ZNF667: variants seen among roughly 807,000 people sequenced by gnomAD.
ZNF667 encodes the protein zinc finger protein 667, also known as myocardial ischemic preconditioning upregulated 1 ortholog.
A neutral mutation model predicts 31.8 loss-of-function variants in ZNF667; 13 were observed. The observed-to-expected ratio is 0.41, with a 90% CI of 0.27 to 0.65. ZNF667 has a LOEUF of 0.65. ZNF667 is among the 30% of genes least tolerant of loss of function. The pLI is 0.32. For missense variants in ZNF667, 642 were observed against 725.6 expected, an observed-to-expected ratio of 0.88 and a Z score of 1.32; for synonymous variants, 228 against 247.1, an observed-to-expected ratio of 0.92 and a Z score of 0.73.
chr19:56,466,892 A>G (rs962466658), intron 3 of ZNF667: 3 of 415,848 alleles, frequency 7.2e-6, no homozygotes, highest in Non-Finnish European at 1.4e-5. Context: ...AGCTCCTTAC[A>G]GTTTCCCATT....
intron 3 of ZNF667, chr19:56,469,999 G>A (rs1442567926): frequency 4.3e-6 from 2 of 466,102 alleles, no homozygotes; most frequent in Admixed American, 4.6e-5. Flanking sequence ...GAGCACATTT[G>A]CCTTCTGGCT....
chr19:56,474,675 G>T (rs2043363863), intron 1 of ZNF667: 1 of 152,462 alleles, frequency 6.6e-6, no homozygotes, highest in Non-Finnish European at 1.5e-5. Flanking sequence ...GGCCCCAAAG[G>T]AGCCTGAGCT....
At chr19:56,464,524 T>A (rs1251434679) in intron 3 of ZNF667, among the ~76,000 whole-genome samples, 4 of 152,180 alleles carry the variant, frequency 2.6e-5, no homozygotes, top group Non-Finnish European at 5.9e-5. Context: ...CAAAATTAAC[T>A]TTAATGATAA....
At chr19:56,451,271 T>C (rs753586864) in intron 6 of ZNF667, among the ~76,000 whole-genome samples, 23 of 151,348 alleles carry the variant, frequency 1.5e-4, no homozygotes, top group Non-Finnish European at 2.7e-4. Context: ...AGCAAAGGGA[T>C]ATAACAATTG....
At chr19:56,462,156 G>A (rs1449072749) in intron 4 of ZNF667, among the ~76,000 whole-genome samples, 182 bp downstream of exon 4, 1 of 152,248 alleles carries the variant, frequency 6.6e-6, no homozygotes, top group Non-Finnish European at 1.5e-5. Context: ...GGCTCGCTGA[G>A]CAGTTTCCTG....
chr19:56,467,687 A>G (rs1346343271), intron 3 of ZNF667: 3 of 152,260 alleles, frequency 2.0e-5, no homozygotes, highest in African/African-American at 7.2e-5. Context: ...GGGTTCAATT[A>G]TTAATAATTT....
intron 6 of ZNF667, among the ~76,000 whole-genome samples, chr19:56,451,227 A>C (rs1399791977): frequency 2.6e-5 from 4 of 152,196 alleles, no homozygotes; most frequent in African/African-American, 9.6e-5. Context: ...GGAAAGATAC[A>C]AAGAAAGTCA....
rs139445582 is a variant in ZNF667 at position 56,458,181 on chromosome 19, T to C, written c.227A>G (p.Glu76Gly). Residue 76 changes from glutamate (E) to glycine (G), a missense_variant, in exon 6 of 7, where the codon GAG (glutamate) becomes GGG (glycine). Transcript: ENST00000504904. ...LEKGKAPWMVEPVRRRRAPDS... is the reference protein window; with the variant it reads ...LEKGKAPWMVGPVRRRRAPDS... ...AGGAGCCCGGCGTCTTCTTACTGGC[T>C]CTACCATCCAGGGTGCTTTCCCTTT... is the stretch of plus-strand genomic sequence containing the variant. 1 of 1,614,124 alleles carries C rather than the reference T, an allele frequency of 6.2e-7. No homozygotes were observed. Among genetic ancestry groups the C allele is most frequent in the African/African-American group, 1.3e-5 (1 of 74,954 alleles).
At chr19:56,451,868 CAAA>C (rs71184363) in intron 6 of ZNF667, among the ~76,000 whole-genome samples, 12 of 80,944 alleles carry the variant, frequency 1.5e-4, no homozygotes, top group African/African-American at 5.9e-4. Context: ...GACCCTGTCT[CAAA>C]AAAAAAAAAA....
chr19:56,465,919 G>A (rs574200896), intron 3 of ZNF667, among the ~76,000 whole-genome samples: 1 of 152,208 alleles, frequency 6.6e-6, no homozygotes, highest in Non-Finnish European at 1.5e-5. Context: ...GTGGTGCAGG[G>A]AGCATACAAT....
At chr19:56,461,736 C>G (rs939800870) in intron 4 of ZNF667, among the ~76,000 whole-genome samples, 3 of 152,188 alleles carry the variant, frequency 2.0e-5, no homozygotes, top group African/African-American at 7.2e-5. Flanking sequence ...ATTTGAGATG[C>G]CTGTTGGAAA....
chr19:56,470,866 T>TA (rs2043277952), intron 3 of ZNF667, among the ~76,000 whole-genome samples: 1 of 152,182 alleles, frequency 6.6e-6, no homozygotes, highest in Non-Finnish European at 1.5e-5. Flanking sequence ...TGGGCTGTGT[T>TA]AGACCCTAGG....
chr19:56,442,491 T>G lies in ZNF667; in HGVS notation c.504A>C (p.Gly168=), dbSNP rs2042631344. Residue 168 remains glycine (G), a synonymous_variant, in exon 7 of 7, where the codon GGA becomes GGC. Coordinates refer to ENST00000504904, the MANE Select transcript of ZNF667 (RefSeq NM_001321356.2). ...SLKLHQNIHT[G]EKPFECSNCR... ...AATTACTGCATTCAAAAGGCTTCTC[T>G]CCTGTATGAATGTTCTGATGAAGTT... The G allele has an allele frequency of 6.2e-7, 1 of 1,613,758 alleles. No individual in the cohort carries two copies. Among genetic ancestry groups the G allele is most frequent in the African/African-American group, 1.3e-5 (1 of 75,016 alleles).
intron 6 of ZNF667, among the ~76,000 whole-genome samples, chr19:56,456,004 T>C (rs2042924552): frequency 6.6e-6 from 1 of 152,208 alleles, no homozygotes. Flanking sequence ...AGGCAAGTTA[T>C]TTAACATTTC....
At position 56,441,942 on chromosome 19, in the gene ZNF667, A is replaced by T. The variant is rs757493044; in HGVS notation, c.1053T>A (p.Ile351=). The change falls in exon 7 of 7, where the codon ATT becomes ATA. Residue 351 remains isoleucine, a synonymous_variant. Transcript: ENST00000504904. This position sits in a 1 kb window ranked among gnomAD's most constrained non-coding sequence, Gnocchi z 4.2. ...RISPLMLHQR[I]HTSEKPYKCD... ...ATTTGTACGGTTTCTCTGAAGTGTGAATTCTCTGGTGAAGCATCAGGGGTG... is the reference window on the plus strand; with the variant it reads ...ATTTGTACGGTTTCTCTGAAGTGTGTATTCTCTGGTGAAGCATCAGGGGTG... The T allele has an allele frequency of 6.2e-7, 1 of 1,614,106 alleles. No individual in the cohort carries two copies. Among genetic ancestry groups the T allele is most frequent in the South Asian group, 1.1e-5 (1 of 91,082 alleles).
chr19:56,452,160 T>C (rs2042844659), intron 6 of ZNF667, among the ~76,000 whole-genome samples: 1 of 151,852 alleles, frequency 6.6e-6, no homozygotes, highest in Non-Finnish European at 1.5e-5. Flanking sequence ...GCGATTCTCC[T>C]GCCTCAGCCT....
intron 2 of ZNF667, chr19:56,472,729 T>G (rs1327167607): frequency 6.6e-6 from 1 of 152,218 alleles, no homozygotes; most frequent in Admixed American, 6.5e-5. Context: ...ACACAAAATA[T>G]GTGTTAATAG....
intron 3 of ZNF667, among the ~76,000 whole-genome samples, chr19:56,467,438 CAT>C (rs1253065992): frequency 1.3e-5 from 2 of 152,222 alleles, no homozygotes; most frequent in Non-Finnish European, 2.9e-5. Context: ...TCCATGACCA[CAT>C]GTGTGAGGAG....
intron 6 of ZNF667, chr19:56,449,087 A>G (rs961511939): frequency 1.7e-5 from 3 of 171,538 alleles, no homozygotes; most frequent in Middle Eastern, 4.9e-4. Flanking sequence ...TACAAGAGTC[A>G]CAGAGTTACT....
Sources: gnomAD v4.1 joint callset for allele counts (sites outside exome capture counted in the v4.1 genomes callset) on GRCh38, gnomAD v4.1.1 for gene constraint, Gnocchi (gnomAD v3.1) non-coding constraint, MANE v1.5 for transcripts, NCBI Gene and HGNC (gene_info 2026-07-23, HGNC 2026-07-21) for gene names.